SPAG1: variants seen among roughly 807,000 people sequenced by gnomAD.
SPAG1 encodes the protein sperm-associated antigen 1.
Under a neutral mutation model 100.5 loss-of-function variants are expected in SPAG1, and 69 were observed. The ratio of observed to expected loss-of-function variants is 0.69; its 90% CI spans 0.57 to 0.84. The LOEUF (loss-of-function observed/expected upper bound fraction) is 0.84. Among genes scored for constraint, SPAG1 ranks in the 40% least tolerant of loss-of-function variants. The pLI, the probability that SPAG1 is intolerant of heterozygous loss-of-function variation, is 0.00. For missense variants in SPAG1, 955 were observed against 1,133.1 expected, an observed-to-expected ratio of 0.84 and a Z score of 2.26; for synonymous variants, 336 against 411.6, an observed-to-expected ratio of 0.82 and a Z score of 2.22.
chr8:100,214,843 G>C (rs1817893464), intron 12 of SPAG1, among the ~76,000 whole-genome samples: 2 of 151,588 alleles, frequency 1.3e-5, no homozygotes. Flanking sequence ...AGCTGGGCCT[G>C]GTGGCATACC....
chr8:100,194,515 A>G, intron 10 of SPAG1: 1 of 585,022 alleles, frequency 1.7e-6, no homozygotes, highest in Non-Finnish European at 3.0e-6. Context: ...TCACCTTTAA[A>G]TGTAAATGGC....
chr8:100,187,426 T>C (rs531531659), intron 8 of SPAG1, among the ~76,000 whole-genome samples, 176 bp downstream of exon 8: 1 of 152,178 alleles, frequency 6.6e-6, no homozygotes, highest in African/African-American at 2.4e-5. Flanking sequence ...AAGCTCCTGA[T>C]TATTTGTACT....
intron 10 of SPAG1, among the ~76,000 whole-genome samples, chr8:100,211,685 A>G (rs554621191): frequency 2.8e-4 from 43 of 152,240 alleles, no homozygotes; most frequent in Non-Finnish European, 4.8e-4. Context: ...TAATAAAAAT[A>G]AAAACAAGTC....
At chr8:100,169,301 C>T in intron 3 of SPAG1, among the ~76,000 whole-genome samples, 1 of 152,194 alleles carries the variant, frequency 6.6e-6, no homozygotes, top group Non-Finnish European at 1.5e-5. Flanking sequence ...TGCCTACAGT[C>T]CCAGTTTCTC....
intron 3 of SPAG1, among the ~76,000 whole-genome samples, chr8:100,177,183 C>G (rs888606345): frequency 9.2e-5 from 14 of 152,230 alleles, no homozygotes; most frequent in African/African-American, 3.1e-4. Context: ...CAGTATTACA[C>G]TAAACATCAT....
In SPAG1 at chr8:100,213,317, G is replaced by T. The variant is rs749989315; in HGVS notation, c.1324G>T (p.Ala442Ser). The T allele has an allele frequency of 2.9e-5, 36 of 1,255,364 alleles. 1 individual carries two copies. In the South Asian group the frequency reaches 1.0e-3, roughly 35 times the overall value. 77.8% of individuals were successfully genotyped at this position (1,255,364 alleles called of 1,614,324 possible). ...CGGGCATCCGGGCGGCGGGCAGGGC[G>T]CGGAGAACCCTGCCGGCCTGAAGAG... ...ATGHPGGGQG[A>S]ENPAGLKSQG... is the part of the protein sequence containing the mutation. Residue 442 changes from alanine to serine, a missense_variant, in exon 11 of 19, where the codon GCG becomes TCG. Ala to Ser is a moderately conservative substitution (Grantham distance 99, BLOSUM62 1). Coordinates refer to ENST00000388798, the MANE Select transcript of SPAG1 (RefSeq NM_003114.5).
chr8:100,216,083 A>G (rs990952437), intron 12 of SPAG1, among the ~76,000 whole-genome samples: 4 of 152,182 alleles, frequency 2.6e-5, no homozygotes, highest in Non-Finnish European at 5.9e-5. Flanking sequence ...ATACCATTTA[A>G]TACCATGAAA....
At chr8:100,196,398 T>C (rs1461976573) in intron 10 of SPAG1, among the ~76,000 whole-genome samples, 2 of 152,214 alleles carry the variant, frequency 1.3e-5, no homozygotes, top group Non-Finnish European at 2.9e-5. Context: ...TTGATTTTTT[T>C]CCCCTTTTTA....
chr8:100,213,491 G>A (rs964535536), intron 11 of SPAG1, 63 bp downstream of exon 11: 20 of 1,262,224 alleles, frequency 1.6e-5, no homozygotes, highest in East Asian at 3.1e-5. Flanking sequence ...CGACCTCCGG[G>A]GCCCCCGTGG....
At chr8:100,199,717 G>A (rs1817185787) in intron 10 of SPAG1, among the ~76,000 whole-genome samples, 1 of 152,158 alleles carries the variant, frequency 6.6e-6, no homozygotes, top group African/African-American at 2.4e-5. Context: ...AAAGTGCTGG[G>A]ATTACAGATG....
chr8:100,213,968 T>C (rs371828642), intron 12 of SPAG1, 50 bp downstream of exon 12: 3 of 1,057,810 alleles, frequency 2.8e-6, no homozygotes, highest in Non-Finnish European at 4.3e-6. Context: ...AATTTCATTA[T>C]GGTGAATGCA....
chr8:100,175,801 G>A (rs1219114555), intron 3 of SPAG1, among the ~76,000 whole-genome samples: 2 of 152,150 alleles, frequency 1.3e-5, no homozygotes, highest in East Asian at 3.9e-4. Context: ...AGCATTGATG[G>A]AACCAATACA....
chr8:100,170,621 A>G lies in SPAG1; in HGVS notation c.300+4648A>G, dbSNP rs182539701. Reference sequence around the variant, plus strand: ...CTTTAGATACCTAATTTTAATTTCAATTTTTAATTATACAAGTTTGTATTT... The same window carrying G: ...CTTTAGATACCTAATTTTAATTTCAGTTTTTAATTATACAAGTTTGTATTT... On this transcript the variant is annotated intron_variant, in intron 3 of 18. Coordinates refer to ENST00000388798, the MANE Select transcript of SPAG1 (RefSeq NM_003114.5). Among the ~76,000 whole-genome samples the G allele has an allele frequency of 5.3e-3, 808 of 151,834 alleles. 4 individuals are homozygous for G. The highest frequency in any genetic ancestry group is 6.4e-3 in the Non-Finnish European group (435 of 67,870).
At chr8:100,229,156 A>ACAGCACTTTGGGAGGCCGAGG (rs1469965541) in intron 14 of SPAG1, among the ~76,000 whole-genome samples, 1 of 151,588 alleles carries the variant, frequency 6.6e-6, no homozygotes, top group Non-Finnish European at 1.5e-5. Context: ...GCCTGTAATC[A>ACAGCACTTTGGGAGGCCGAGG]CAGCACTTTG....
At chr8:100,219,649 G>T (rs1818170717) in intron 12 of SPAG1, among the ~76,000 whole-genome samples, 1 of 152,118 alleles carries the variant, frequency 6.6e-6, no homozygotes, top group Admixed American at 6.6e-5. Flanking sequence ...TGCTGAAGTA[G>T]CTTTAAACAC....
chr8:100,173,581 G>A (rs943791479), intron 3 of SPAG1, among the ~76,000 whole-genome samples: 1 of 152,014 alleles, frequency 6.6e-6, no homozygotes, highest in African/African-American at 2.4e-5. Context: ...AAGTAATACA[G>A]TTTCACAGAT....
At chr8:100,165,709 A>C (rs907050831) in intron 2 of SPAG1, 105 bp from the exon 3 acceptor site, 2 of 800,568 alleles carry the variant, frequency 2.5e-6, no homozygotes, top group Non-Finnish European at 2.0e-6. Context: ...AGCCCTTGAG[A>C]TCTCCACAGA....
Position 100,180,640 on chromosome 8 carries a change from G to T in SPAG1, c.426+2699G>T, listed in dbSNP as rs1181939143. On this transcript the variant is annotated intron_variant, in intron 4 of 18. Transcript: ENST00000388798. ...GCAGGGATAAGGCATACAAAAAATA[G>T]ACTATTTAATAACAGGTTACTTTCC... is the stretch of plus-strand genomic sequence containing the variant. Among the ~76,000 whole-genome samples, 3 of 152,196 alleles carry T rather than the reference G, an allele frequency of 2.0e-5. No homozygotes were observed. The East Asian group carries it at 5.8e-4, about 29-fold the overall frequency.
At chr8:100,214,720 C>T (rs1451387180) in intron 12 of SPAG1, among the ~76,000 whole-genome samples, 1 of 152,034 alleles carries the variant, frequency 6.6e-6, no homozygotes. Context: ...CAGTGGCTCA[C>T]GCCTGTAATC....
Sources: allele counts gnomAD v4.1 joint callset (sites outside exome capture counted in the v4.1 genomes callset), GRCh38; gene constraint gnomAD v4.1.1; transcripts MANE v1.5; gene names NCBI Gene and HGNC (gene_info 2026-07-23, HGNC 2026-07-21).